Variants in CCSER1 observed in about 807,000 individuals in gnomAD.
CCSER1 encodes the protein serine-rich coiled-coil domain-containing protein 1.
CCSER1 carries 41 observed loss-of-function variants against 82.0 expected under a neutral mutation model. That is an observed-to-expected ratio of 0.50 (90% CI 0.39 to 0.65). The LOEUF is 0.65. Among genes scored for constraint, CCSER1 ranks in the 30% least tolerant of loss-of-function variants. The pLI, the probability that CCSER1 is intolerant of heterozygous loss-of-function variation, is 0.00. For missense variants in CCSER1, 1,119 were observed against 1,064.2 expected (o/e 1.05, Z -0.72); for synonymous variants, 414 against 383.9 (o/e 1.08, Z -0.92).
intron 6 of CCSER1, among the ~76,000 whole-genome samples, chr4:90,715,236 A>G (rs1044879759): frequency 2.0e-5 from 3 of 151,982 alleles, no homozygotes; most frequent in Non-Finnish European, 2.9e-5. Flanking sequence ...AGTACAGTTC[A>G]TTATTCAGTT....
intron 6 of CCSER1, among the ~76,000 whole-genome samples, chr4:90,704,642 G>C (rs1316068150): frequency 6.6e-6 from 1 of 152,136 alleles, no homozygotes; most frequent in Non-Finnish European, 1.5e-5. Flanking sequence ...TTTTCACATA[G>C]TCCCATATTT....
At chr4:91,337,458 A>G (rs1401621776) in intron 10 of CCSER1, among the ~76,000 whole-genome samples, 5 of 152,146 alleles carry the variant, frequency 3.3e-5, no homozygotes, top group African/African-American at 1.2e-4. Context: ...CATTTTAAGA[A>G]GTGAGTCTGA....
intron 5 of CCSER1, among the ~76,000 whole-genome samples, chr4:90,608,154 T>G (rs1334794677): frequency 6.6e-6 from 1 of 152,210 alleles, no homozygotes; most frequent in Non-Finnish European, 1.5e-5. Flanking sequence ...GTATTTAGAT[T>G]AAGGTTTACA....
chr4:90,793,154 A>G (rs1165323840), intron 7 of CCSER1, among the ~76,000 whole-genome samples: 1 of 152,234 alleles, frequency 6.6e-6, no homozygotes, highest in Non-Finnish European at 1.5e-5. Flanking sequence ...ATGTTCAAAC[A>G]TAATTTCTTA....
chr4:91,139,560 A>C (rs183096631), intron 10 of CCSER1, among the ~76,000 whole-genome samples: 1 of 152,334 alleles, frequency 6.6e-6, no homozygotes, highest in East Asian at 1.9e-4. Context: ...AAATGTAGTC[A>C]TTGTAGTTAG....
At chr4:91,194,036 C>T (rs767667732) in intron 10 of CCSER1, among the ~76,000 whole-genome samples, 1 of 152,268 alleles carries the variant, frequency 6.6e-6, no homozygotes, top group Non-Finnish European at 1.5e-5. Flanking sequence ...GTGGCATGAT[C>T]TCAGCTCACT....
chr4:90,729,944 C>T (rs1203453683), intron 7 of CCSER1, among the ~76,000 whole-genome samples: 1 of 152,092 alleles, frequency 6.6e-6, no homozygotes, highest in Non-Finnish European at 1.5e-5. Context: ...ATCAGGCATA[C>T]ACCATAGCAA....
At chr4:90,163,066 A>G (rs2153367855) in intron 1 of CCSER1, among the ~76,000 whole-genome samples, 1 of 152,226 alleles carries the variant, frequency 6.6e-6, no homozygotes, top group African/African-American at 2.4e-5. Flanking sequence ...GAAGAGATGC[A>G]TATAATTATT....
chr4:90,599,372 C>T (rs1388789684), intron 5 of CCSER1, among the ~76,000 whole-genome samples: 1 of 152,038 alleles, frequency 6.6e-6, no homozygotes, highest in African/African-American at 2.4e-5. Flanking sequence ...TTTCTCTCTC[C>T]TCTCGCCATG....
intron 10 of CCSER1, among the ~76,000 whole-genome samples, chr4:91,358,731 G>T (rs1418447076): frequency 6.6e-6 from 1 of 152,104 alleles, no homozygotes; most frequent in Non-Finnish European, 1.5e-5. Flanking sequence ...TTCCTTCCTG[G>T]TGTTCAGCCA....
At chr4:90,829,440 A>C (rs1205395334) in intron 8 of CCSER1, among the ~76,000 whole-genome samples, 1 of 152,164 alleles carries the variant, frequency 6.6e-6, no homozygotes, top group Non-Finnish European at 1.5e-5. Context: ...AAAGAGTAAA[A>C]ATAAATTTAA....
chr4:91,576,006 T>C (rs1763434386), intron 10 of CCSER1, among the ~76,000 whole-genome samples: 1 of 151,956 alleles, frequency 6.6e-6, no homozygotes, highest in South Asian at 2.1e-4. Context: ...TCTGGATATA[T>C]ACCCAAAGGA....
intron 10 of CCSER1, among the ~76,000 whole-genome samples, chr4:91,401,899 C>T (rs1752362483): frequency 6.6e-6 from 1 of 152,090 alleles, no homozygotes; most frequent in African/African-American, 2.4e-5. Flanking sequence ...ATTTATAATC[C>T]TTTGGGTATA....
intron 4 of CCSER1, among the ~76,000 whole-genome samples, chr4:90,424,585 A>G (rs1757269223): frequency 6.6e-6 from 1 of 152,206 alleles, no homozygotes; most frequent in Non-Finnish European, 1.5e-5. Flanking sequence ...TCTCACATAT[A>G]AGATACTACA....
chr4:91,402,402 G>T (rs1752403149), intron 10 of CCSER1, among the ~76,000 whole-genome samples: 1 of 152,138 alleles, frequency 6.6e-6, no homozygotes, highest in South Asian at 2.1e-4. Context: ...AGTTTAATTA[G>T]ATCCCATTTG....
rs1366107870 is a variant in CCSER1 at position 90,548,064 on chromosome 4, T to C, written c.1724+79710T>C. ...GCCTCACGTTGGTATTGAGTGTGTA[T>C]TCTTACATCTCTGAAAGTGAGGAAT... On this transcript the variant is annotated intron_variant, in intron 5 of 10. Coordinates refer to ENST00000509176, the MANE Select transcript of CCSER1 (RefSeq NM_001145065.2). 6.6e-5 allele frequency among the ~76,000 whole-genome samples: 10 copies of C among 152,232 alleles called. No individual in the cohort carries two copies. In the East Asian group the frequency reaches 1.9e-3, roughly 29 times the overall value.
intron 1 of CCSER1, among the ~76,000 whole-genome samples, chr4:90,305,207 C>T (rs187700133): frequency 2.5e-4 from 38 of 152,268 alleles, no homozygotes; most frequent in Middle Eastern, 3.4e-3. Flanking sequence ...TGAGCCACCG[C>T]GCCCGGCCTC....
chr4:91,047,275 A>G (rs1218861873), intron 9 of CCSER1, among the ~76,000 whole-genome samples: 1 of 152,164 alleles, frequency 6.6e-6, no homozygotes, highest in Non-Finnish European at 1.5e-5. Flanking sequence ...TCTCAAAAGC[A>G]TATGTATAAC....
intron 8 of CCSER1, among the ~76,000 whole-genome samples, chr4:90,915,016 A>G (rs956745382): frequency 6.6e-6 from 1 of 152,192 alleles, no homozygotes. Flanking sequence ...AATTGAGGCA[A>G]TAATTAATAG....
Sources: gnomAD v4.1 joint callset for allele counts (sites outside exome capture counted in the v4.1 genomes callset) on GRCh38, gnomAD v4.1.1 for gene constraint, MANE v1.5 for transcripts, NCBI Gene and HGNC (gene_info 2026-07-23, HGNC 2026-07-21) for gene names.